The following TTLL5 variants were observed in gnomAD, a reference collection of about 807,000 sequenced individuals.
The protein encoded by TTLL5 is tubulin tyrosine ligase like 5.
Under a neutral mutation model 168.4 loss-of-function variants are expected in TTLL5, and 132 were observed. The ratio of observed to expected loss-of-function variants is 0.78; its 90% CI spans 0.68 to 0.91. The LOEUF (loss-of-function observed/expected upper bound fraction) is 0.91. Among genes scored for constraint, TTLL5 ranks in the 40% least tolerant of loss-of-function variants. The pLI, the probability that TTLL5 is intolerant of heterozygous loss-of-function variation, is 0.00. For synonymous variants in TTLL5, 546 were observed against 558.6 expected, an observed-to-expected ratio of 0.98 and a Z score of 0.32; for missense variants, 1,545 against 1,581.5, an observed-to-expected ratio of 0.98 and a Z score of 0.39.
chr14:75,706,642 A>G (rs1032995999), intron 7 of TTLL5, among the ~76,000 whole-genome samples: 1 of 152,190 alleles, frequency 6.6e-6, no homozygotes, highest in Admixed American at 6.5e-5. Flanking sequence ...AATTTCCATT[A>G]TACTTCAGGG....
intron 31 of TTLL5, chr14:75,930,495 C>T: frequency 1.3e-6 from 1 of 742,012 alleles, no homozygotes; most frequent in South Asian, 6.1e-5. Flanking sequence ...ATTCTAAAAT[C>T]TGAAAAAAAT....
chr14:75,712,652 C>A (rs1887169261), intron 9 of TTLL5, among the ~76,000 whole-genome samples: 1 of 151,784 alleles, frequency 6.6e-6, no homozygotes. Context: ...GCAAGCAACT[C>A]CAGTGCAGTT....
chr14:75,809,750 A>G (rs553333275), intron 27 of TTLL5, among the ~76,000 whole-genome samples: 1 of 152,146 alleles, frequency 6.6e-6, no homozygotes, highest in South Asian at 2.1e-4. Context: ...TCTGGTAACC[A>G]TCATTCTATT....
intron 31 of TTLL5, among the ~76,000 whole-genome samples, chr14:75,939,715 G>A (rs1038842557): frequency 6.6e-6 from 1 of 151,994 alleles, no homozygotes; most frequent in Non-Finnish European, 1.5e-5. Flanking sequence ...ACCTTCTTTA[G>A]GTAACTGAAA....
chr14:75,924,575 T>C (rs1467118478), intron 31 of TTLL5, among the ~76,000 whole-genome samples: 2 of 151,932 alleles, frequency 1.3e-5, no homozygotes, highest in Admixed American at 1.3e-4. Flanking sequence ...ACACAGCACA[T>C]GTTTCAGAGA....
chr14:75,687,646 T>C (rs1257467970), intron 5 of TTLL5, among the ~76,000 whole-genome samples: 1 of 152,106 alleles, frequency 6.6e-6, no homozygotes, highest in Non-Finnish European at 1.5e-5. Context: ...AAAAACAAGC[T>C]ATGGACTGGA....
intron 31 of TTLL5, among the ~76,000 whole-genome samples, chr14:75,903,005 T>C (rs1345115925): frequency 6.6e-6 from 1 of 152,152 alleles, no homozygotes; most frequent in Non-Finnish European, 1.5e-5. Flanking sequence ...ACACATAGAA[T>C]AACAACAGAC....
chr14:75,730,642 C>A (rs1488183666), intron 12 of TTLL5, among the ~76,000 whole-genome samples: 2 of 152,074 alleles, frequency 1.3e-5, no homozygotes, highest in Non-Finnish European at 2.9e-5. Context: ...CTAAAGGAAA[C>A]CAAATGATGC....
At chr14:75,716,683 CAG>C (rs2140194834) in intron 9 of TTLL5, among the ~76,000 whole-genome samples, 1 of 151,876 alleles carries the variant, frequency 6.6e-6, no homozygotes. Context: ...GGTATGTAAA[CAG>C]GGGTTGATAT....
intron 18 of TTLL5, among the ~76,000 whole-genome samples, chr14:75,761,104 A>G (rs1301548072): frequency 1.3e-5 from 2 of 152,196 alleles, no homozygotes; most frequent in Admixed American, 6.5e-5. Context: ...AAAGGAAGAT[A>G]TATGAGTAGC....
At chr14:75,704,799 G>A (rs1886535844) in intron 7 of TTLL5, among the ~76,000 whole-genome samples, 1 of 152,164 alleles carries the variant, frequency 6.6e-6, no homozygotes, top group African/African-American at 2.4e-5. Flanking sequence ...AGAAGTGAGG[G>A]ATAAAGACAA....
chr14:75,914,869 C>G (rs926122337), intron 31 of TTLL5, among the ~76,000 whole-genome samples: 19 of 152,134 alleles, frequency 1.2e-4, no homozygotes, highest in Admixed American at 1.2e-3. Context: ...GTGATCCGCC[C>G]ACCTTGGCCT....
chr14:75,941,843 CTTTTTTTTTTT>C (rs71122506), intron 31 of TTLL5, among the ~76,000 whole-genome samples: 1 of 69,404 alleles, frequency 1.4e-5, no homozygotes, highest in Non-Finnish European at 2.6e-5. Context: ...TCATGATGAA[CTTTTTTTTTTT>C]TTTTTTTTTT....
chr14:75,775,843 A>G (rs1326678671), intron 22 of TTLL5, among the ~76,000 whole-genome samples: 5 of 152,226 alleles, frequency 3.3e-5, no homozygotes, highest in Admixed American at 2.6e-4. Flanking sequence ...CCCAGTGGCC[A>G]TAGTTAATTC....
chr14:75,914,033 A>AAAAAAAAAAAAATAT, intron 31 of TTLL5, among the ~76,000 whole-genome samples: 2 of 71,102 alleles, frequency 2.8e-5, no homozygotes, highest in African/African-American at 1.5e-4. Context: ...AAAAAAAAAA[A>AAAAAAAAAAAAATAT]ATATATATAT....
intron 21 of TTLL5, among the ~76,000 whole-genome samples, chr14:75,772,468 T>A (rs1891396373): frequency 6.6e-6 from 1 of 152,204 alleles, no homozygotes; most frequent in African/African-American, 2.4e-5. Flanking sequence ...TATTTTTTAC[T>A]TTACTAGTTG....
chr14:75,926,117 C>T (rs2034054644), intron 31 of TTLL5, among the ~76,000 whole-genome samples: 1 of 114,780 alleles, frequency 8.7e-6, no homozygotes, highest in Non-Finnish European at 1.7e-5. Flanking sequence ...AGAGGGAGAA[C>T]TTGTCTATGT....
chr14:75,948,341 C>T (rs1322941474), intron 31 of TTLL5, among the ~76,000 whole-genome samples: 1 of 151,808 alleles, frequency 6.6e-6, no homozygotes, highest in East Asian at 1.9e-4. Context: ...AAAAATTAGC[C>T]GGGTGTGGTA....
chr14:75,886,705 G>A (rs765027092), intron 30 of TTLL5: 27 of 1,597,612 alleles, frequency 1.7e-5, no homozygotes, highest in Middle Eastern at 1.6e-4. Flanking sequence ...TTTAGTACCC[G>A]CTTCAGATCC....
Sources: allele counts gnomAD v4.1 joint callset (sites outside exome capture counted in the v4.1 genomes callset), GRCh38; gene constraint gnomAD v4.1.1; transcripts MANE v1.5; gene names NCBI Gene and HGNC (gene_info 2026-07-23, HGNC 2026-07-21).